The following SLC27A5 variants were observed in gnomAD, a reference collection of about 807,000 sequenced individuals.
The protein encoded by SLC27A5 is solute carrier family 27 member 5.
Under a neutral mutation model 63.1 loss-of-function variants are expected in SLC27A5, and 47 were observed. That is an observed-to-expected ratio of 0.74 (90% CI 0.59 to 0.95). The LOEUF (loss-of-function observed/expected upper bound fraction) is 0.95, where lower values mean the gene tolerates loss of function less well. Among genes scored for constraint, SLC27A5 ranks in the 40% least tolerant of loss-of-function variants. The probability of loss-of-function intolerance (pLI) is 0.00; values close to 1 mark genes in which losing one functional copy is unlikely to be tolerated. For synonymous variants in SLC27A5, 391 were observed against 403.8 expected (o/e 0.97, Z 0.38); for missense variants, 940 against 921.0 (o/e 1.02, Z -0.27).
intron 3 of SLC27A5, among the ~76,000 whole-genome samples, chr19:58,502,932 TGA>T (rs1568629155): frequency 4.6e-5 from 7 of 151,186 alleles, no homozygotes; most frequent in Non-Finnish European, 5.9e-5. Flanking sequence ...GGTGGCTGGG[TGA>T]GGATCGTCAC....
chr19:58,502,220 A>C (rs34307977), intron 3 of SLC27A5, among the ~76,000 whole-genome samples: 118,532 of 130,830 alleles, frequency 0.91, 53,499 homozygotes, highest in African/African-American at 0.96. Flanking sequence ...GGATGGGTGG[A>C]CAGTTAGAGT....
chr19:58,503,042 G>A (rs1020997005), intron 3 of SLC27A5, among the ~76,000 whole-genome samples: 1 of 151,920 alleles, frequency 6.6e-6, no homozygotes, highest in East Asian at 1.9e-4. Flanking sequence ...CGTCTCTACT[G>A]AAAATACAAA....
In SLC27A5 at chr19:58,511,596, GAAGGCATCTACAA is replaced by G; in HGVS notation, c.347_359del (p.Phe116SerfsTer40). The G allele has an allele frequency of 6.3e-7, 1 of 1,585,818 alleles. No individual in the cohort carries two copies. ...CAGGCTGCGCTCGTGCTCGCCGCTC[GAAGGCATCTACAA>G]AGGTGTCAGGCGGCTGCCGGCTCAA... On this transcript the variant is annotated frameshift_variant, in exon 1 of 10. Coordinates refer to ENST00000263093, the MANE Select transcript of SLC27A5 (RefSeq NM_012254.3). LOFTEE classifies it high-confidence loss of function.
In SLC27A5 at chr19:58,501,427, G is replaced by T; in HGVS notation, c.1058-17C>A. ...AGGTGGCTCCTGGGAGATGACAGGA[G>T]AGGGGGTTTCAGGTCATGCTTCCAA... On this transcript the variant is annotated splice_polypyrimidine_tract_variant and intron_variant, in intron 3 of 9. Coordinates refer to ENST00000263093, the MANE Select transcript of SLC27A5 (RefSeq NM_012254.3). 2 of 1,611,388 alleles carry T rather than the reference G, an allele frequency of 1.2e-6. No homozygotes were observed. The highest frequency in any genetic ancestry group is 1.1e-5 in the South Asian group (1 of 90,924).
intron 9 of SLC27A5, 46 bp downstream of exon 9, chr19:58,498,739 C>T (rs376059511): frequency 6.2e-7 from 1 of 1,610,398 alleles, no homozygotes; most frequent in African/African-American, 1.3e-5. Context: ...CCACCCGCCC[C>T]CTGGCTATGA....
rs536901419 is a variant in SLC27A5, at chr19:58,498,454, C to A, written c.*61G>T. 5.9e-6 allele frequency: 9 copies of A among 1,515,596 alleles called. No individual in the cohort carries two copies. The highest frequency in any genetic ancestry group is 1.2e-5 in the South Asian group (1 of 80,088). 93.9% of individuals were successfully genotyped at this position (1,515,596 alleles called of 1,614,324 possible). On this transcript the variant is annotated 3_prime_UTR_variant, in exon 10 of 10. Transcript: ENST00000263093. ...CACAGGCCCAGGATGAAAGGGACACCGAGTGTGTTGGGGTGGGGGTGGCTG... is the reference window on the plus strand; with the variant it reads ...CACAGGCCCAGGATGAAAGGGACACAGAGTGTGTTGGGGTGGGGGTGGCTG...
intron 3 of SLC27A5, among the ~76,000 whole-genome samples, chr19:58,503,263 G>A (rs367920748): frequency 4.6e-5 from 7 of 151,992 alleles, no homozygotes; most frequent in African/African-American, 1.2e-4. Flanking sequence ...ATAGATGGGT[G>A]GGTGGATGAA....
At position 58,499,209 on chromosome 19, in the gene SLC27A5, T is replaced by C; in HGVS notation, c.1679A>G (p.Glu560Gly). ...RLGDTFRWKG[E>G]NVSTHEVEGV... The stretch of plus-strand genomic sequence containing the variant: ...CTCCACCTCGTGCGTGGACACGTTC[T>C]CGCCCTTCCATCTGCAAGGAGGGAG... The change falls in exon 8 of 10, where the codon GAG becomes GGG. Residue 560 changes from glutamate (E) to glycine (G), a missense_variant. Glu to Gly is a moderately conservative substitution (Grantham distance 98). Transcript: ENST00000263093. 6.2e-7 allele frequency: 1 copy of C among 1,613,802 alleles called. No individual in the cohort carries two copies. Among genetic ancestry groups the C allele is most frequent in the Non-Finnish European group, 8.5e-7 (1 of 1,179,986 alleles).
chr19:58,506,182 A>G (rs956949931), intron 3 of SLC27A5, among the ~76,000 whole-genome samples: 4 of 151,322 alleles, frequency 2.6e-5, no homozygotes, highest in African/African-American at 9.7e-5. Flanking sequence ...CTGCCTTGGT[A>G]CCCCAAAGTG....
intron 6 of SLC27A5, 23 bp downstream of exon 6, chr19:58,500,316 G>C: frequency 2.5e-6 from 4 of 1,604,056 alleles, no homozygotes; most frequent in Non-Finnish European, 3.4e-6. Context: ...TGCCACCCAG[G>C]AAAGGCTCCT....
chr19:58,500,419 G>T lies in SLC27A5; in HGVS notation c.1388C>A (p.Pro463His), dbSNP rs768757436. The T allele has an allele frequency of 1.2e-6, 2 of 1,613,828 alleles. No individual in the cohort carries two copies. Among genetic ancestry groups the T allele is most frequent in the Non-Finnish European group, 1.7e-6 (2 of 1,180,016 alleles). Residue 463 changes from proline (P) to histidine (H), a missense_variant, in exon 6 of 10, where the codon CCC becomes CAC. By Grantham distance (77) the Pro-to-His change is moderately conservative. Transcript: ENST00000263093. ...KMSCLLRMLS[P>H]FELVQFDMEA... ...CATGTCGAACTGCACCAGCTCAAAG[G>T]GGGACAGCATCTGGGGTGGAGGGTG...
chr19:58,510,078 A>T (rs1360791294), intron 2 of SLC27A5, 73 bp from the exon 3 acceptor site: 2 of 1,471,270 alleles, frequency 1.4e-6, no homozygotes, highest in Non-Finnish European at 1.9e-6. Context: ...AGAGGGATAG[A>T]TCTCCAACAG....
At chr19:58,505,871 G>C (rs1049912190) in intron 3 of SLC27A5, among the ~76,000 whole-genome samples, 1 of 148,322 alleles carries the variant, frequency 6.7e-6, no homozygotes, top group African/African-American at 2.5e-5. Context: ...AAAAACATTT[G>C]GCCGGGCACG....
chr19:58,501,697 G>A (rs1005399181), intron 3 of SLC27A5, among the ~76,000 whole-genome samples: 2 of 152,084 alleles, frequency 1.3e-5, no homozygotes, highest in African/African-American at 2.4e-5. Context: ...TTTTTGAGAC[G>A]GAGTCTCGCT....
At position 58,500,771 on chromosome 19, in the gene SLC27A5, C is replaced by T. The variant is rs531224298; in HGVS notation, c.1183-65G>A. 5 of 1,577,920 alleles carry T rather than the reference C, an allele frequency of 3.2e-6. No individual in the cohort carries two copies. The South Asian group carries it at 5.7e-5, about 18-fold the overall frequency. ...TTGGGGCATGCCTTGGAACCTTTACCTAGAGGGGGTGTTATCCTGGGTCCT... is the reference window on the plus strand; with the variant it reads ...TTGGGGCATGCCTTGGAACCTTTACTTAGAGGGGGTGTTATCCTGGGTCCT... On this transcript the variant is annotated intron_variant, in intron 4 of 9. Transcript: ENST00000263093.
rs774666798 is a variant in SLC27A5 at position 58,510,919 on chromosome 19, T to G, written c.700A>C (p.Ser234Arg). 3.7e-6 allele frequency: 6 copies of G among 1,603,282 alleles called. No homozygotes were observed. The East Asian group carries it at 1.3e-4, about 36-fold the overall frequency. Reference sequence around the variant, plus strand: ...AGCTTGGGAAGGATCTCCTCCAGGCTCTCCCGGAGGTCTGCAGAGATGGGT... The same window carrying G: ...AGCTTGGGAAGGATCTCCTCCAGGCGCTCCCGGAGGTCTGCAGAGATGGGT... ...VLVVDPDLRESLEEILPKLQA... is the reference protein window; with the variant it reads ...VLVVDPDLRERLEEILPKLQA... Residue 234 changes from serine to arginine, a missense_variant, in exon 2 of 10, where the codon AGC becomes CGC. Ser to Arg is a moderately radical substitution (Grantham distance 110, BLOSUM62 -1). Coordinates refer to ENST00000263093, the MANE Select transcript of SLC27A5 (RefSeq NM_012254.3).
chr19:58,509,940 A>G lies in SLC27A5; in HGVS notation c.964T>C (p.Ser322Pro), dbSNP rs2053390698. 3 of 1,614,080 alleles carry G rather than the reference A, an allele frequency of 1.9e-6. No individual in the cohort carries two copies. The South Asian group carries it at 3.3e-5, about 18-fold the overall frequency. ...ACCACATCATCAGCTGTGGCCCCAG[A>G]TAAGGACAGCATCTTGCTCATCTGC... ...VLQMSKMLSL[S>P]GATADDVVYT... The change falls in exon 3 of 10, where the codon TCT (serine) becomes CCT (proline). Residue 322 changes from serine to proline, a missense_variant. By Grantham distance (74) the Ser-to-Pro change is moderately conservative. Transcript: ENST00000263093.
rs899366632 is a variant in SLC27A5, at chr19:58,499,043, A to G, written c.1765+80T>C. On this transcript the variant is annotated intron_variant, in intron 8 of 9. Coordinates refer to ENST00000263093, the MANE Select transcript of SLC27A5 (RefSeq NM_012254.3). Reference sequence around the variant, plus strand: ...TCTCTAAACCTCTCTGGGCCCTAGCACTTCCCCACCTGTAAAATCAGAATA... The same window carrying G: ...TCTCTAAACCTCTCTGGGCCCTAGCGCTTCCCCACCTGTAAAATCAGAATA... The G allele has an allele frequency of 8.1e-6, 13 of 1,602,386 alleles. No individual in the cohort carries two copies. The Admixed American group carries it at 2.0e-4, about 25-fold the overall frequency.
At chr19:58,503,412 C>T (rs1285764084) in intron 3 of SLC27A5, among the ~76,000 whole-genome samples, 1 of 152,048 alleles carries the variant, frequency 6.6e-6, no homozygotes, top group East Asian at 1.9e-4. Context: ...GTTATCCCAA[C>T]ACTTTGGGAG....
Sources: allele counts gnomAD v4.1 joint callset (sites outside exome capture counted in the v4.1 genomes callset), GRCh38; gene constraint gnomAD v4.1.1; transcripts MANE v1.5; gene names NCBI Gene and HGNC (gene_info 2026-07-23, HGNC 2026-07-21).